The following WDR93 variants were observed in gnomAD, a reference collection of about 807,000 sequenced individuals.
WDR93 encodes WD repeat-containing protein 93.
A neutral mutation model predicts 82.9 loss-of-function variants in WDR93; 73 were observed. The observed-to-expected ratio is 0.88, with a 90% CI of 0.73 to 1.07. The LOEUF is 1.07. Ranked by LOEUF, WDR93 falls within the 50% of genes least tolerant of loss-of-function variation. WDR93 has a pLI of 0.00. For missense variants in WDR93, 738 were observed against 826.0 expected (o/e 0.89, Z 1.31); for synonymous variants, 283 against 300.1 (o/e 0.94, Z 0.59).
chr15:89,727,908 C>T (rs1325314825), intron 9 of WDR93, among the ~76,000 whole-genome samples: 1 of 151,952 alleles, frequency 6.6e-6, no homozygotes, highest in Non-Finnish European at 1.5e-5. Context: ...CACGGTGAAA[C>T]CGACTCTACT....
intron 3 of WDR93, chr15:89,704,220 C>T (rs1017015549): frequency 6.6e-5 from 10 of 150,394 alleles, no homozygotes; most frequent in African/African-American, 1.7e-4. Context: ...CCCAGGTGCT[C>T]GGGAGGCTGA....
chr15:89,736,843 G>A (rs1285774099), intron 14 of WDR93, among the ~76,000 whole-genome samples: 2 of 151,068 alleles, frequency 1.3e-5, no homozygotes, highest in African/African-American at 4.9e-5. Context: ...CCAGGCTGGA[G>A]TGCAGTGGTG....
At chr15:89,743,262 TTC>T (rs750985481) in intron 16 of WDR93, 28 bp from the exon 17 acceptor site, 1 of 1,597,656 alleles carries the variant, frequency 6.3e-7, no homozygotes, top group Admixed American at 1.7e-5. Flanking sequence ...TGAGAGGAGA[TTC>T]CTCTCATCAC....
At chr15:89,715,292 G>A (rs962106517) in intron 6 of WDR93, among the ~76,000 whole-genome samples, 197 bp downstream of exon 6, 1 of 152,110 alleles carries the variant, frequency 6.6e-6, no homozygotes, top group African/African-American at 2.4e-5. Flanking sequence ...CTTCAGTAGT[G>A]GGAATCGCAG....
chr15:89,741,602 T>C (rs938327686), intron 16 of WDR93, among the ~76,000 whole-genome samples: 25 of 152,172 alleles, frequency 1.6e-4, no homozygotes, highest in Non-Finnish European at 3.5e-4. Flanking sequence ...AAAGTACACA[T>C]TGCTACTTTA....
At chr15:89,707,480 C>G (rs1308136871) in intron 4 of WDR93, among the ~76,000 whole-genome samples, 2 of 152,026 alleles carry the variant, frequency 1.3e-5, no homozygotes, top group Non-Finnish European at 2.9e-5. Flanking sequence ...ACCCAGGAGG[C>G]AGAGGTTGAA....
chr15:89,736,999 G>A (rs4932246), intron 14 of WDR93, among the ~76,000 whole-genome samples: 98,984 of 151,918 alleles, frequency 0.65, 32,351 homozygotes, highest in East Asian at 0.71. Context: ...CACCGTGTTA[G>A]CCAGGATGGT....
intron 11 of WDR93, 101 bp from the exon 12 acceptor site, chr15:89,731,342 C>T: frequency 1.3e-6 from 2 of 1,545,036 alleles, no homozygotes; most frequent in Non-Finnish European, 1.8e-6. Flanking sequence ...GTTCCCATTC[C>T]CTGAACAGGC....
chr15:89,691,696 G>A (rs1964893284), intron 1 of WDR93, among the ~76,000 whole-genome samples: 1 of 151,926 alleles, frequency 6.6e-6, no homozygotes, highest in Admixed American at 6.6e-5. Context: ...TTCCAGCCTG[G>A]GCGACAGAGC....
At chr15:89,716,736 C>T (rs552697938) in intron 6 of WDR93, among the ~76,000 whole-genome samples, 175 bp from the exon 7 acceptor site, 3 of 152,248 alleles carry the variant, frequency 2.0e-5, no homozygotes, top group Admixed American at 6.5e-5. Context: ...AAATAGGGAT[C>T]GTGTGTTGAA....
chr15:89,737,043 G>A (rs1045653877), intron 14 of WDR93, among the ~76,000 whole-genome samples: 3 of 152,170 alleles, frequency 2.0e-5, no homozygotes, highest in Non-Finnish European at 4.4e-5. Flanking sequence ...CGCCCACCTT[G>A]GCCTCCCAAA....
chr15:89,712,997 A>C lies in WDR93; in HGVS notation c.640+893A>C, dbSNP rs553672820. ...CAATTAGCCAGACGTGGTGGTGGGC[A>C]CCTGTAATCCCAGATACTGGGGAGG... On this transcript the variant is annotated intron_variant, in intron 5 of 16. Coordinates refer to ENST00000268130, the MANE Select transcript of WDR93 (RefSeq NM_020212.2). Among the ~76,000 whole-genome samples the C allele has an allele frequency of 2.0e-5, 3 of 152,138 alleles. No homozygotes were observed. In the East Asian group the frequency reaches 5.8e-4, roughly 29 times the overall value.
intron 8 of WDR93, among the ~76,000 whole-genome samples, chr15:89,725,570 CT>C (rs58934154): frequency 6.4e-5 from 9 of 141,526 alleles, no homozygotes; most frequent in African/African-American, 2.4e-4. Context: ...TTTTTCTTTT[CT>C]TTTTTTTTTC....
intron 16 of WDR93, 52 bp downstream of exon 16, chr15:89,738,288 T>A: frequency 6.6e-7 from 1 of 1,515,148 alleles, no homozygotes; most frequent in Non-Finnish European, 8.9e-7. Context: ...TGTCTCTGGA[T>A]TGAGGGATAG....
Position 89,715,285 on chromosome 15 carries a change from C to T in WDR93, c.756+190C>T, listed in dbSNP as rs564687244. ...AGATATTAAAAAGTAGAGGTGTCTT[C>T]AGTAGTGGGAATCGCAGTATCTCTA... On this transcript the variant is annotated intron_variant, in intron 6 of 16. Transcript: ENST00000268130. 5.9e-5 allele frequency among the ~76,000 whole-genome samples: 9 copies of T among 152,232 alleles called. No individual in the cohort carries two copies. The South Asian group carries it at 1.7e-3, about 28-fold the overall frequency.
chr15:89,726,370 T>A (rs1160725094), intron 8 of WDR93, among the ~76,000 whole-genome samples: 1 of 152,250 alleles, frequency 6.6e-6, no homozygotes, highest in South Asian at 2.1e-4. Flanking sequence ...ACTCTGCCAC[T>A]GCTGATCTGG....
intron 14 of WDR93, 138 bp downstream of exon 14, chr15:89,735,691 T>C: frequency 1.2e-6 from 1 of 858,134 alleles, no homozygotes; most frequent in South Asian, 1.6e-5. Context: ...GGTTTACAAA[T>C]AGAAAGAGAA....
At chr15:89,692,985 C>G (rs934262957) in intron 1 of WDR93, among the ~76,000 whole-genome samples, 20 of 151,322 alleles carry the variant, frequency 1.3e-4, no homozygotes, top group East Asian at 9.7e-4. Context: ...GTAGCGTTTT[C>G]TTTTCTTTTC....
At chr15:89,729,904 G>T (rs1966844706) in intron 11 of WDR93, 135 bp downstream of exon 11, 3 of 726,984 alleles carry the variant, frequency 4.1e-6, no homozygotes, top group East Asian at 2.7e-5. Context: ...GCAGTAGGGG[G>T]TTTGGTGGGT....
Sources: allele counts gnomAD v4.1 joint callset (sites outside exome capture counted in the v4.1 genomes callset), GRCh38; gene constraint gnomAD v4.1.1; transcripts MANE v1.5; gene names NCBI Gene and HGNC (gene_info 2026-07-23, HGNC 2026-07-21).